LRRTM4: variants seen among roughly 807,000 people sequenced by gnomAD.
LRRTM4 encodes the protein leucine-rich repeat transmembrane neuronal protein 4.
Under a neutral mutation model 47.6 loss-of-function variants are expected in LRRTM4, and 25 were observed. That is an observed-to-expected ratio of 0.53 (90% CI 0.38 to 0.73). LRRTM4 has a LOEUF of 0.73. LRRTM4 is among the 30% of genes least tolerant of loss of function. The probability of loss-of-function intolerance (pLI) is 0.00; values close to 1 mark genes in which losing one functional copy is unlikely to be tolerated. For missense variants in LRRTM4, 638 were observed against 713.4 expected, an observed-to-expected ratio of 0.89 and a Z score of 1.20; for synonymous variants, 311 against 269.5, an observed-to-expected ratio of 1.15 and a Z score of -1.51.
chr2:76,871,259 A>C (rs1164159456), intron 3 of LRRTM4, among the ~76,000 whole-genome samples: 1 of 152,178 alleles, frequency 6.6e-6, no homozygotes, highest in East Asian at 1.9e-4. Flanking sequence ...GCTGTGTCTG[A>C]TGTATATTAA....
chr2:77,207,372 T>TATATACAC (rs59335400), intron 3 of LRRTM4, among the ~76,000 whole-genome samples: 92 of 131,088 alleles, frequency 7.0e-4, no homozygotes, highest in African/African-American at 2.3e-3. Context: ...TATATATATA[T>TATATACAC]ACACACACAC....
chr2:76,779,369 T>A (rs1266691667), intron 3 of LRRTM4, among the ~76,000 whole-genome samples: 4 of 151,064 alleles, frequency 2.6e-5, no homozygotes, highest in African/African-American at 7.3e-5. Flanking sequence ...GGTGTTAAAG[T>A]CTCCCATTAT....
intron 3 of LRRTM4, among the ~76,000 whole-genome samples, chr2:77,374,815 G>A (rs1189711603): frequency 4.0e-5 from 6 of 151,602 alleles, no homozygotes; most frequent in Middle Eastern, 3.2e-3. Flanking sequence ...TAAATTTTAA[G>A]TTCCAAAAGT....
intron 3 of LRRTM4, among the ~76,000 whole-genome samples, chr2:77,206,642 C>T (rs893416136): frequency 2.0e-5 from 3 of 151,864 alleles, no homozygotes; most frequent in African/African-American, 2.4e-5. Flanking sequence ...CGCGACCATG[C>T]CCAGCTAATT....
At chr2:76,961,899 T>G (rs566770866) in intron 3 of LRRTM4, among the ~76,000 whole-genome samples, 2 of 151,512 alleles carry the variant, frequency 1.3e-5, no homozygotes, top group Admixed American at 6.6e-5. Flanking sequence ...AAGACATTGA[T>G]AGCTCTCACT....
At chr2:77,188,947 C>G (rs1409306671) in intron 3 of LRRTM4, among the ~76,000 whole-genome samples, 1 of 152,156 alleles carries the variant, frequency 6.6e-6, no homozygotes, top group Non-Finnish European at 1.5e-5. Flanking sequence ...CTATCTCAGT[C>G]TTGCATCCCA....
intron 3 of LRRTM4, among the ~76,000 whole-genome samples, chr2:77,498,147 G>A (rs1420174274): frequency 1.3e-5 from 2 of 151,754 alleles, no homozygotes; most frequent in African/African-American, 4.8e-5. Flanking sequence ...GTCAGTCTAT[G>A]GCATTTGTTC....
chr2:76,986,798 A>G (rs1174788003), intron 3 of LRRTM4, among the ~76,000 whole-genome samples: 1 of 151,998 alleles, frequency 6.6e-6, no homozygotes, highest in African/African-American at 2.4e-5. Context: ...TGGACTTTGC[A>G]GCTATATAGG....
At chr2:77,016,049 C>T (rs1393253290) in intron 3 of LRRTM4, among the ~76,000 whole-genome samples, 2 of 151,954 alleles carry the variant, frequency 1.3e-5, no homozygotes, top group Non-Finnish European at 2.9e-5. Context: ...CCACTGCGCT[C>T]CAGCCTGGGT....
At chr2:77,046,820 C>A (rs1679251564) in intron 3 of LRRTM4, among the ~76,000 whole-genome samples, 2 of 151,860 alleles carry the variant, frequency 1.3e-5, no homozygotes, top group African/African-American at 2.4e-5. Context: ...CAGAAAAAGA[C>A]AGAATGACTT....
At chr2:77,362,335 G>A (rs1372412571) in intron 3 of LRRTM4, among the ~76,000 whole-genome samples, 2 of 152,096 alleles carry the variant, frequency 1.3e-5, no homozygotes, top group Non-Finnish European at 2.9e-5. Flanking sequence ...TAGTATATGA[G>A]ACTGGTGTGC....
At chr2:77,410,391 C>G (rs1674372541) in intron 3 of LRRTM4, among the ~76,000 whole-genome samples, 1 of 152,058 alleles carries the variant, frequency 6.6e-6, no homozygotes, top group South Asian at 2.1e-4. Flanking sequence ...TACTTGAAAC[C>G]CCTGTTAGAT....
At chr2:76,975,500 A>G (rs2103952933) in intron 3 of LRRTM4, among the ~76,000 whole-genome samples, 1 of 151,756 alleles carries the variant, frequency 6.6e-6, no homozygotes, top group Non-Finnish European at 1.5e-5. Flanking sequence ...TATAGATAAT[A>G]CCACGTTCTG....
At chr2:77,109,831 T>C (rs577948587) in intron 3 of LRRTM4, among the ~76,000 whole-genome samples, 9 of 151,466 alleles carry the variant, frequency 5.9e-5, no homozygotes, top group African/African-American at 1.9e-4. Context: ...AAAAATGAAA[T>C]AAGAGAACAT....
At chr2:77,335,306 G>C (rs756403014) in intron 3 of LRRTM4, among the ~76,000 whole-genome samples, 5 of 152,114 alleles carry the variant, frequency 3.3e-5, no homozygotes. Context: ...TTCCTGTAAT[G>C]ATTTTATGAC....
At chr2:77,267,713 A>G (rs1676085550) in intron 3 of LRRTM4, among the ~76,000 whole-genome samples, 2 of 151,316 alleles carry the variant, frequency 1.3e-5, no homozygotes, top group African/African-American at 4.9e-5. Context: ...TTTTTTTGAT[A>G]ATGCTCCTTT....
intron 3 of LRRTM4, among the ~76,000 whole-genome samples, chr2:76,801,434 T>C (rs1414161175): frequency 6.6e-6 from 1 of 151,968 alleles, no homozygotes; most frequent in Admixed American, 6.6e-5. Flanking sequence ...AAACAGCGCA[T>C]ATTCTCACTC....
intron 3 of LRRTM4, among the ~76,000 whole-genome samples, chr2:77,065,036 A>G (rs915740769): frequency 6.6e-6 from 1 of 152,160 alleles, no homozygotes; most frequent in Non-Finnish European, 1.5e-5. Context: ...CTCATTTAAC[A>G]TATCGATTCA....
chr2:76,869,019 A>G (rs1672546573), intron 3 of LRRTM4, among the ~76,000 whole-genome samples: 1 of 151,876 alleles, frequency 6.6e-6, no homozygotes, highest in African/African-American at 2.4e-5. Flanking sequence ...AGCTAATAAA[A>G]ATGTAAGGTG....
Sources: gnomAD v4.1 joint callset for allele counts (sites outside exome capture counted in the v4.1 genomes callset) on GRCh38, gnomAD v4.1.1 for gene constraint, MANE v1.5 for transcripts, NCBI Gene and HGNC (gene_info 2026-07-23, HGNC 2026-07-21) for gene names.